Variants in ALCAM observed in about 807,000 individuals in gnomAD.
ALCAM encodes activated leukocyte cell adhesion molecule, also known as CD166 antigen.
A neutral mutation model predicts 70.9 loss-of-function variants in ALCAM; 30 were observed. The ratio of observed to expected loss-of-function variants is 0.42; its 90% CI spans 0.32 to 0.57. ALCAM has a LOEUF of 0.57. Ranked by LOEUF, ALCAM falls within the 20% of genes least tolerant of loss-of-function variation. The pLI, the probability that ALCAM is intolerant of heterozygous loss-of-function variation, is 0.11. For missense variants in ALCAM, 591 were observed against 695.1 expected (o/e 0.85, Z 1.68); for synonymous variants, 249 against 242.5 (o/e 1.03, Z -0.25).
chr3:105,377,594 A>G (rs1384347845), intron 1 of ALCAM, among the ~76,000 whole-genome samples: 2 of 152,064 alleles, frequency 1.3e-5, no homozygotes. Context: ...TAGTAGGCAT[A>G]TACACTCACA....
chr3:105,368,422 G>T (rs1437662774), intron 1 of ALCAM, among the ~76,000 whole-genome samples: 1 of 152,054 alleles, frequency 6.6e-6, no homozygotes, highest in Non-Finnish European at 1.5e-5. Context: ...TGACAGAGCA[G>T]CAGGTTCCTT....
chr3:105,505,049 C>A (rs1939034328), intron 1 of ALCAM, among the ~76,000 whole-genome samples: 1 of 152,222 alleles, frequency 6.6e-6, no homozygotes, highest in Non-Finnish European at 1.5e-5. Flanking sequence ...TTCATCCTTA[C>A]CAGGTCTGAG....
chr3:105,492,275 C>G (rs756308847), intron 1 of ALCAM, among the ~76,000 whole-genome samples: 1 of 152,114 alleles, frequency 6.6e-6, no homozygotes, highest in Non-Finnish European at 1.5e-5. Context: ...CGGGTCCCTC[C>G]CATAACACAT....
chr3:105,477,005 T>A (rs1938134758), intron 1 of ALCAM, among the ~76,000 whole-genome samples: 1 of 152,016 alleles, frequency 6.6e-6, no homozygotes, highest in African/African-American at 2.4e-5. Flanking sequence ...TGCTTTTGCT[T>A]CTTCCTCATT....
chr3:105,385,752 A>G (rs186460917), intron 1 of ALCAM, among the ~76,000 whole-genome samples: 2 of 151,792 alleles, frequency 1.3e-5, no homozygotes, highest in Admixed American at 6.6e-5. Context: ...ATGGTTCTTT[A>G]TTAAGTTTTA....
intron 7 of ALCAM, 137 bp from the exon 8 acceptor site, chr3:105,541,496 G>T: frequency 1.1e-6 from 1 of 893,368 alleles, no homozygotes; most frequent in Non-Finnish European, 1.6e-6. Context: ...AACACAAACT[G>T]TACTCTTTTT....
chr3:105,409,775 C>A (rs1436303863), intron 1 of ALCAM, among the ~76,000 whole-genome samples: 1 of 151,972 alleles, frequency 6.6e-6, no homozygotes, highest in African/African-American at 2.4e-5. Flanking sequence ...TCATATATTG[C>A]CAATAGGAGC....
intron 1 of ALCAM, among the ~76,000 whole-genome samples, chr3:105,487,146 A>G (rs1402125118): frequency 1.3e-5 from 2 of 148,548 alleles, no homozygotes; most frequent in Non-Finnish European, 3.0e-5. Context: ...TGGAGTAACT[A>G]TTTTTTAAAA....
At chr3:105,404,783 AG>A (rs1186431484) in intron 1 of ALCAM, among the ~76,000 whole-genome samples, 1 of 152,182 alleles carries the variant, frequency 6.6e-6, no homozygotes, top group East Asian at 1.9e-4. Context: ...TCCACTTAAA[AG>A]ATGCAGAATG....
chr3:105,513,974 C>T (rs1176271970), intron 1 of ALCAM, among the ~76,000 whole-genome samples: 1 of 151,904 alleles, frequency 6.6e-6, no homozygotes, highest in Non-Finnish European at 1.5e-5. Flanking sequence ...CTCAGTGCTT[C>T]TCATGCACTG....
intron 1 of ALCAM, among the ~76,000 whole-genome samples, chr3:105,514,199 A>G (rs146594652): frequency 3.3e-5 from 5 of 152,086 alleles, no homozygotes; most frequent in Admixed American, 3.3e-4. Flanking sequence ...TTTTACTTAT[A>G]CATTTTCTTC....
chr3:105,544,861 T>C (rs1322960459), intron 8 of ALCAM: 6 of 227,060 alleles, frequency 2.6e-5, no homozygotes, highest in African/African-American at 1.2e-4. Context: ...TACTGTCTCT[T>C]TATATAATAT....
At chr3:105,508,173 C>G (rs1411003897) in intron 1 of ALCAM, among the ~76,000 whole-genome samples, 1 of 152,174 alleles carries the variant, frequency 6.6e-6, no homozygotes, top group Non-Finnish European at 1.5e-5. Flanking sequence ...TCTAGTCCTT[C>G]TAACCTATAT....
At chr3:105,373,449 A>G (rs1935292854) in intron 1 of ALCAM, among the ~76,000 whole-genome samples, 8 of 152,188 alleles carry the variant, frequency 5.3e-5, no homozygotes, top group Admixed American at 5.2e-4. Context: ...TTAGAAATTG[A>G]TATAAGTAGA....
chr3:105,523,795 T>C (rs566397404), intron 2 of ALCAM, among the ~76,000 whole-genome samples: 1 of 152,350 alleles, frequency 6.6e-6, no homozygotes, highest in Non-Finnish European at 1.5e-5. Context: ...GGTTAAACTA[T>C]TCCATGTATA....
chr3:105,525,243 A>G (rs1576221314), intron 3 of ALCAM: 1 of 985,136 alleles, frequency 1.0e-6, no homozygotes, highest in African/African-American at 1.7e-5. Context: ...AGAAAATTGT[A>G]GAAGAAACTT....
At chr3:105,449,629 C>G (rs541181409) in intron 1 of ALCAM, among the ~76,000 whole-genome samples, 5 of 152,310 alleles carry the variant, frequency 3.3e-5, no homozygotes, top group African/African-American at 9.6e-5. Context: ...CCCTATTCAT[C>G]CTATTAGCAA....
chr3:105,520,097 A>T lies in ALCAM; in HGVS notation c.104A>T (p.Tyr35Phe). Residue 35 changes from tyrosine to phenylalanine, a missense_variant, in exon 2 of 16, where the codon TAT becomes TTT. This residue lies in a region of ALCAM where 427 missense variants were observed against 450.4 expected (regional missense o/e 0.95). Transcript: ENST00000306107. ...GGATGGTATACTGTAAATTCAGCAT[A>T]TGGAGATACCATTATCATACCTTGC... ...GLGWYTVNSA[Y>F]GDTIIIPCRL... The T allele has an allele frequency of 1.2e-6, 2 of 1,612,246 alleles. No homozygotes were observed. Among genetic ancestry groups the T allele is most frequent in the African/African-American group, 1.3e-5 (1 of 74,724 alleles).
chr3:105,574,120 C>T (rs893411934), intron 15 of ALCAM, among the ~76,000 whole-genome samples: 2 of 151,924 alleles, frequency 1.3e-5, no homozygotes, highest in African/African-American at 2.4e-5. Context: ...TCTTCAAAAT[C>T]GTATAACTTC....
Sources: allele counts gnomAD v4.1 joint callset (sites outside exome capture counted in the v4.1 genomes callset), GRCh38; gene constraint gnomAD v4.1.1; regional missense constraint gnomAD v4.1.1; transcripts MANE v1.5; gene names NCBI Gene and HGNC (gene_info 2026-07-23, HGNC 2026-07-21).